Variants in ARMC5 observed in about 807,000 individuals in gnomAD.
ARMC5 encodes the protein armadillo repeat-containing protein 5.
Under a neutral mutation model 60.5 loss-of-function variants are expected in ARMC5, and 28 were observed. The ratio of observed to expected loss-of-function variants is 0.46; its 90% CI spans 0.34 to 0.63. ARMC5 has a LOEUF of 0.63. Among genes scored for constraint, ARMC5 ranks in the 30% least tolerant of loss-of-function variants. ARMC5 has a pLI of 0.01. For missense variants in ARMC5, 1,189 were observed against 1,304.9 expected, an observed-to-expected ratio of 0.91 and a Z score of 1.37; for synonymous variants, 680 against 607.3, an observed-to-expected ratio of 1.12 and a Z score of -1.76.
In ARMC5 at chr16:31,459,815, G is replaced by A; in HGVS notation, c.291G>A (p.Ala97=). Residue 97 remains alanine, a synonymous_variant, in exon 1 of 6, where the codon GCG becomes GCA. Transcript: ENST00000268314. The stretch of plus-strand genomic sequence containing the variant: ...CCGGCTCCGCCCCCTCGTCGGCCGC[G>A]TCGGGAGCTTCTAGCCCCGCCCCCG... ...AGPGSAPSSA[A]SGASSPAPAS... 2 of 1,546,562 alleles carry A rather than the reference G, an allele frequency of 1.3e-6. No individual in the cohort carries two copies. Among genetic ancestry groups the A allele is most frequent in the Non-Finnish European group, 1.7e-6 (2 of 1,152,820 alleles).
Position 31,466,544 on chromosome 16 carries a change from C to T in ARMC5, c.2463C>T (p.Pro821=), listed in dbSNP as rs776373665. The change falls in exon 6 of 6, where the codon CCC becomes CCT. Residue 821 remains proline, a synonymous_variant. Transcript: ENST00000268314. The surrounding 1 kb of genome is among the most constrained non-coding windows in gnomAD (Gnocchi z 8.0). ...GTGGGGCTGCCCTGGGGCCCGTGCC[C>T]CCACCAGGCCAGCCCCTGCTGGGTT... is the stretch of plus-strand genomic sequence containing the variant. ...RGCGAALGPV[P]PPGQPLLGSE... is the part of the protein sequence containing the mutation. The T allele has an allele frequency of 4.4e-6, 7 of 1,608,360 alleles. No individual in the cohort carries two copies. The highest frequency in any genetic ancestry group is 5.9e-6 in the Non-Finnish European group (7 of 1,179,276).
chr16:31,459,210 C>T, upstream of ARMC5: 1 of 1,531,544 alleles, frequency 6.5e-7, no homozygotes, highest in Non-Finnish European at 8.7e-7. Context: ...CTGGGCTGTT[C>T]GGAGGCCCTG....
At chr16:31,465,741 C>T (rs551449781) in intron 4 of ARMC5, 109 bp from the exon 5 acceptor site, 240 of 1,549,644 alleles carry the variant, frequency 1.5e-4, no homozygotes, top group Middle Eastern at 6.9e-4. Context: ...GCCCTGATTT[C>T]TCACCCAGAG....
At chr16:31,458,407 T>C (rs2082265259), upstream of ARMC5, 1 of 1,535,584 alleles carries the variant, frequency 6.5e-7, no homozygotes, top group Non-Finnish European at 8.7e-7. Context: ...ATGGTCACAC[T>C]CGGGGCAGGA....
chr16:31,458,702 C>G (rs117600469), upstream of ARMC5: 20,205 of 1,455,416 alleles, frequency 0.014, 200 homozygotes, highest in Non-Finnish European at 0.016. Flanking sequence ...AAGGGCTGCT[C>G]AGGCGGAGCC....
Position 31,464,279 on chromosome 16 carries a change from T to G in ARMC5, c.1371-115T>G. The G allele has an allele frequency of 2.2e-6, 2 of 893,996 alleles. No individual in the cohort carries two copies. Among genetic ancestry groups the G allele is most frequent in the Non-Finnish European group, 3.1e-6 (2 of 648,354 alleles). 55.4% of individuals were successfully genotyped at this position (893,996 alleles called of 1,614,324 possible). A position where few individuals can be genotyped will look rare whatever the true frequency, so the allele number is the denominator to read the frequency against. On this transcript the variant is annotated intron_variant, in intron 3 of 5. Coordinates refer to ENST00000268314, the MANE Select transcript of ARMC5 (RefSeq NM_001105247.2). The surrounding 1 kb of genome is among the most constrained non-coding windows in gnomAD (Gnocchi z 7.6). ...CATTCCAGCCTGGGCTATAGAGGGATACCACATTTCTTTAAAAAAAAAAAA... is the reference window on the plus strand; with the variant it reads ...CATTCCAGCCTGGGCTATAGAGGGAGACCACATTTCTTTAAAAAAAAAAAA...
intron 1 of ARMC5, among the ~76,000 whole-genome samples, chr16:31,460,436 C>T (rs1037331101): frequency 3.3e-5 from 5 of 152,168 alleles, no homozygotes; most frequent in Non-Finnish European, 7.4e-5. Flanking sequence ...AGTCACCTAA[C>T]CCCTCCGAGG....
chr16:31,466,433 A>G lies in ARMC5; in HGVS notation c.2352A>G (p.Glu784=). The change falls in exon 6 of 6, where the codon GAA becomes GAG. Residue 784 remains glutamate, a synonymous_variant. Transcript: ENST00000268314. This position sits in a 1 kb window ranked among gnomAD's most constrained non-coding sequence, Gnocchi z 8.0. ...CCCTGCTGTCAGGCAGCTTTGCAGA[A>G]GCCCAGATGGACCTGGTGCCCCTGC... ...FRALLSGSFA[E]AQMDLVPLRG... is the part of the protein sequence containing the mutation. The G allele has an allele frequency of 4.3e-6, 7 of 1,612,080 alleles. No individual in the cohort carries two copies. The highest frequency in any genetic ancestry group is 4.2e-6 in the Non-Finnish European group (5 of 1,179,842).
In ARMC5 at chr16:31,466,729, A is replaced by G. The variant is rs1280411544; in HGVS notation, c.2648A>G (p.His883Arg). Residue 883 changes from histidine to arginine, a missense_variant, in exon 6 of 6, where the codon CAC becomes CGC. His to Arg is a conservative substitution (Grantham distance 29). Transcript: ENST00000268314. The surrounding 1 kb of genome is among the most constrained non-coding windows in gnomAD (Gnocchi z 8.0). The part of the protein sequence containing the change: ...FRLGRPRLAA[H>R]CARWTLGSEQ... Reference sequence around the variant, plus strand: ...CTGGGCCGGCCCCGGCTGGCTGCCCACTGTGCCCGCTGGACACTGGGGTCA... The same window carrying G: ...CTGGGCCGGCCCCGGCTGGCTGCCCGCTGTGCCCGCTGGACACTGGGGTCA... The G allele has an allele frequency of 2.6e-6, 4 of 1,561,302 alleles. No homozygotes were observed. The African/African-American group carries it at 4.1e-5, about 16-fold the overall frequency.
upstream of ARMC5, chr16:31,458,668 G>C (rs1403521414): frequency 1.4e-6 from 2 of 1,446,886 alleles, no homozygotes; most frequent in Admixed American, 4.9e-5. Context: ...TTTCCGGGCG[G>C]GCAGCTGCCC....
chr16:31,459,835 C>G lies in ARMC5; in HGVS notation c.311C>G (p.Ala104Gly), dbSNP rs1346211775. ...GCCGCGTCGGGAGCTTCTAGCCCCG[C>G]CCCCGCGTCGGGCCCCGCCCCCTCC... is the stretch of plus-strand genomic sequence containing the variant. ...SSAASGASSP[A>G]PASGPAPSAV... Residue 104 changes from alanine to glycine, a missense_variant, in exon 1 of 6, where the codon GCC (alanine) becomes GGC (glycine). By Grantham distance (60) the Ala-to-Gly change is moderately conservative. Around this residue, in one of 2 missense-constraint regions of ARMC5, gnomAD observed 327 missense variants for 233.7 expected, o/e 1.40. Transcript: ENST00000268314. The G allele has an allele frequency of 3.8e-6, 6 of 1,567,130 alleles. No homozygotes were observed. Among genetic ancestry groups the G allele is most frequent in the Non-Finnish European group, 5.2e-6 (6 of 1,162,986 alleles).
At position 31,464,999 on chromosome 16, in the gene ARMC5, G is replaced by A. The variant is rs775695060; in HGVS notation, c.1864+112G>A. ...CCCACTCACCTGTCCTCCCCAGCCC[G>A]TCCTCCAGACAACCTGTCACCAGAG... On this transcript the variant is annotated intron_variant, in intron 4 of 5. Transcript: ENST00000268314. This position sits in a 1 kb window ranked among gnomAD's most constrained non-coding sequence, Gnocchi z 7.6. 45 of 1,610,980 alleles carry A rather than the reference G, an allele frequency of 2.8e-5. No homozygotes were observed. Among genetic ancestry groups the A allele is most frequent in the East Asian group, 8.9e-5 (4 of 44,768 alleles).
chr16:31,461,972 C>T lies in ARMC5; in HGVS notation c.526C>T (p.Arg176Cys), dbSNP rs777098322. Residue 176 changes from arginine to cysteine, a missense_variant, in exon 2 of 6, where the codon CGT (arginine) becomes TGT (cysteine). By Grantham distance (180) the Arg-to-Cys change is radical. This residue lies in a region of ARMC5 where 862 missense variants were observed against 1,071.2 expected (regional missense o/e 0.80). Coordinates refer to ENST00000268314, the MANE Select transcript of ARMC5 (RefSeq NM_001105247.2). ...AGACAGCATCCAGAACCGAACGGCC[C>T]GTGCCCTGGGGAACTTAGCCATGGA... The part of the protein sequence containing the change: ...KTDSIQNRTA[R>C]ALGNLAMEPE... 45 of 1,614,088 alleles carry T rather than the reference C, an allele frequency of 2.8e-5. No individual in the cohort carries two copies. The highest frequency in any genetic ancestry group is 4.5e-5 in the East Asian group (2 of 44,896).
In ARMC5 at chr16:31,462,968, G is replaced by A. The variant is rs754709417; in HGVS notation, c.1370+51G>A. ...AGGGTGAGCAGTGCAGTGATGTGGG[G>A]TTTGTGTCTGTCTTGGTCCTCTTCA... On this transcript the variant is annotated intron_variant, in intron 3 of 5. Coordinates refer to ENST00000268314, the MANE Select transcript of ARMC5 (RefSeq NM_001105247.2). The surrounding 1 kb of genome is among the most constrained non-coding windows in gnomAD (Gnocchi z 7.2). 4 of 1,460,020 alleles carry A rather than the reference G, an allele frequency of 2.7e-6. No homozygotes were observed. The East Asian group carries it at 7.4e-5, about 27-fold the overall frequency. The allele number at this position is 1,460,020 out of a possible 1,614,324, so 90.4% of individuals were successfully genotyped here.
In ARMC5 at chr16:31,461,999, C is replaced by G. The variant is rs774185640; in HGVS notation, c.553C>G (p.Pro185Ala). ...ARALGNLAMEPESCGDIHCAG... is the reference protein window; with the variant it reads ...ARALGNLAMEAESCGDIHCAG... The stretch of plus-strand genomic sequence containing the variant: ...TGCCCTGGGGAACTTAGCCATGGAA[C>G]CTGAGAGCTGTGGGGACATCCACTG... Residue 185 changes from proline to alanine, a missense_variant, in exon 2 of 6, where the codon CCT (proline) becomes GCT (alanine). Physicochemically the swap from Pro to Ala is conservative, Grantham distance 27. Around this residue, in one of 2 missense-constraint regions of ARMC5, gnomAD observed 862 missense variants for 1,071.2 expected, o/e 0.80. Transcript: ENST00000268314. 6.2e-7 allele frequency: 1 copy of G among 1,614,168 alleles called. No individual in the cohort carries two copies. Among genetic ancestry groups the G allele is most frequent in the Admixed American group, 1.7e-5 (1 of 60,030 alleles).
upstream of ARMC5, chr16:31,459,222 C>A (rs1167454329): frequency 1.0e-5 from 16 of 1,531,982 alleles, no homozygotes; most frequent in Non-Finnish European, 1.7e-6. Context: ...GAGGCCCTGG[C>A]CCACCTGGAG....
In ARMC5 at chr16:31,464,096, G is replaced by C. The variant is rs1240550360; in HGVS notation, c.1371-298G>C. On this transcript the variant is annotated intron_variant, in intron 3 of 5. Transcript: ENST00000268314. The surrounding 1 kb of genome is among the most constrained non-coding windows in gnomAD (Gnocchi z 7.6). ...GCTTGAGCACAGGAGTCCGAGACCA[G>C]CCTGGGCAACATAGCGAGACCCATC... 2.0e-5 allele frequency among the ~76,000 whole-genome samples: 3 copies of C among 151,964 alleles called. No homozygotes were observed. Among genetic ancestry groups the C allele is most frequent in the Admixed American group, 2.0e-4 (3 of 15,242 alleles).
upstream of ARMC5, chr16:31,458,743 C>A: frequency 6.8e-7 from 1 of 1,476,702 alleles, no homozygotes; most frequent in South Asian, 1.3e-5. Context: ...CCTGGGGGCT[C>A]CCCGGGACGC....
chr16:31,465,773 C>G (rs924256404), intron 4 of ARMC5, 77 bp from the exon 5 acceptor site: 3 of 1,585,480 alleles, frequency 1.9e-6, no homozygotes, highest in Non-Finnish European at 2.6e-6. Context: ...CTTCATCTCA[C>G]GGGCCCAGAG....
Sources: gnomAD v4.1 joint callset for allele counts (sites outside exome capture counted in the v4.1 genomes callset) on GRCh38, gnomAD v4.1.1 for gene constraint, gnomAD v4.1.1 regional missense constraint, Gnocchi (gnomAD v3.1) non-coding constraint, MANE v1.5 for transcripts, NCBI Gene and HGNC (gene_info 2026-07-23, HGNC 2026-07-21) for gene names.